The following PPP2R2B variants were observed in gnomAD, a reference collection of about 807,000 sequenced individuals.
PPP2R2B encodes the protein protein phosphatase 2 regulatory subunit Bbeta.
Under a neutral mutation model 46.0 loss-of-function variants are expected in PPP2R2B, and 5 were observed. That is an observed-to-expected ratio of 0.11 (90% CI 0.06 to 0.23). PPP2R2B has a LOEUF of 0.23. PPP2R2B is among the 10% of genes least tolerant of loss of function. The pLI is 1.00. For synonymous variants in PPP2R2B, 215 were observed against 206.7 expected (o/e 1.04, Z -0.34); for missense variants, 367 against 575.0 (o/e 0.64, Z 3.70).
intron 2 of PPP2R2B, among the ~76,000 whole-genome samples, chr5:147,077,288 ACACACACACACACACACACACACC>A (rs1454506946): frequency 6.8e-6 from 1 of 146,838 alleles, no homozygotes; most frequent in African/African-American, 2.6e-5. Context: ...ACACACACAC[ACACACACACACACACACACACACC>A]CACACCCACA....
At chr5:146,918,024 C>G (rs1006442554) in intron 1 of PPP2R2B, 1 of 152,204 alleles carries the variant, frequency 6.6e-6, no homozygotes, top group Non-Finnish European at 1.5e-5. Flanking sequence ...CCCTCACACT[C>G]CCTGCAGTCC....
intron 1 of PPP2R2B, among the ~76,000 whole-genome samples, chr5:146,932,380 C>G (rs930320290): frequency 2.0e-5 from 3 of 152,076 alleles, no homozygotes; most frequent in African/African-American, 4.8e-5. Flanking sequence ...TGGGAGGGTC[C>G]CAGTGGGAGG....
intron 1 of PPP2R2B, among the ~76,000 whole-genome samples, chr5:146,906,095 A>G (rs1466363739): frequency 6.6e-6 from 1 of 152,124 alleles, no homozygotes; most frequent in Non-Finnish European, 1.5e-5. Flanking sequence ...AAAATTAAGT[A>G]TTTCTAGTAA....
chr5:146,735,517 G>A (rs890862406), intron 2 of PPP2R2B, among the ~76,000 whole-genome samples: 1 of 152,176 alleles, frequency 6.6e-6, no homozygotes, highest in South Asian at 2.1e-4. Context: ...TGCAAGGTTC[G>A]ATTAGCTGCA....
At chr5:146,642,393 T>C (rs1410508791) in intron 6 of PPP2R2B, among the ~76,000 whole-genome samples, 2 of 152,168 alleles carry the variant, frequency 1.3e-5, no homozygotes, top group African/African-American at 4.8e-5. Context: ...CATTCAAACA[T>C]CATTTCCTAA....
intron 1 of PPP2R2B, among the ~76,000 whole-genome samples, chr5:146,929,814 C>G (rs753284185): frequency 6.6e-6 from 1 of 152,120 alleles, no homozygotes; most frequent in Non-Finnish European, 1.5e-5. Context: ...TTTGATATCT[C>G]TAAGCCTCTG....
intron 1 of PPP2R2B, among the ~76,000 whole-genome samples, chr5:146,894,284 C>T (rs753809639): frequency 1.3e-5 from 2 of 152,112 alleles, no homozygotes; most frequent in Non-Finnish European, 1.5e-5. Context: ...AATCCAAGGC[C>T]CTTAATACAA....
At chr5:146,803,759 T>C (rs1005158941) in intron 2 of PPP2R2B, among the ~76,000 whole-genome samples, 3 of 152,210 alleles carry the variant, frequency 2.0e-5, no homozygotes, top group Non-Finnish European at 4.4e-5. Flanking sequence ...ATAAACTATG[T>C]GGTTTTTGGC....
chr5:146,863,869 CTG>C (rs1761154566), intron 2 of PPP2R2B, among the ~76,000 whole-genome samples: 2 of 152,188 alleles, frequency 1.3e-5, no homozygotes, highest in Non-Finnish European at 2.9e-5. Flanking sequence ...CGACTCCCAA[CTG>C]TAACCCCCAA....
chr5:146,644,234 C>CAAAAAAAAAAAAAA (rs58634387), intron 6 of PPP2R2B, among the ~76,000 whole-genome samples: 3 of 60,666 alleles, frequency 4.9e-5, no homozygotes, highest in African/African-American at 1.9e-4. Context: ...AGGAAAGTTT[C>CAAAAAAAAAAAAAA]AAAAAAAAAA....
In PPP2R2B at chr5:146,807,195, C is replaced by T. The variant is rs145220464; in HGVS notation, c.70+70807G>A. ...TAAGAATCACTGGTCTTCAAGATCT[C>T]TTCCAGATTTTTCATTCTATAATTA... is the stretch of plus-strand genomic sequence containing the variant. On this transcript the variant is annotated intron_variant, in intron 2 of 9. Transcript: ENST00000394411. 9.5e-4 allele frequency among the ~76,000 whole-genome samples: 145 copies of T among 152,288 alleles called. No individual in the cohort carries two copies. In the East Asian group the frequency reaches 0.021, roughly 22 times the overall value.
chr5:146,735,987 C>T (rs191015371), intron 2 of PPP2R2B, among the ~76,000 whole-genome samples: 1 of 152,304 alleles, frequency 6.6e-6, no homozygotes, highest in East Asian at 1.9e-4. Context: ...ACCCAAATCT[C>T]ATCTTGAATT....
chr5:146,597,453 C>T (rs1008964208), intron 8 of PPP2R2B, among the ~76,000 whole-genome samples: 1 of 152,184 alleles, frequency 6.6e-6, no homozygotes, highest in Non-Finnish European at 1.5e-5. Flanking sequence ...TTCGATTCAG[C>T]AGTACATCGT....
intron 1 of PPP2R2B, among the ~76,000 whole-genome samples, chr5:146,937,470 GTTAC>G (rs1365823088): frequency 2.0e-5 from 3 of 152,124 alleles, no homozygotes; most frequent in South Asian, 2.1e-4. Flanking sequence ...TTATTAAGGG[GTTAC>G]TTAAATACTA....
intron 7 of PPP2R2B, among the ~76,000 whole-genome samples, chr5:146,625,081 G>A (rs977991463): frequency 4.6e-5 from 7 of 152,206 alleles, no homozygotes; most frequent in African/African-American, 1.7e-4. Context: ...ATAAACATTC[G>A]TTGAATAAAT....
At chr5:146,637,406 C>G (rs1193509977) in intron 7 of PPP2R2B, among the ~76,000 whole-genome samples, 1 of 152,192 alleles carries the variant, frequency 6.6e-6, no homozygotes, top group Non-Finnish European at 1.5e-5. Context: ...ATGTATAGGA[C>G]AGCCCCTTCC....
intron 1 of PPP2R2B, among the ~76,000 whole-genome samples, chr5:146,973,090 C>T (rs1752737964): frequency 6.6e-6 from 1 of 151,798 alleles, no homozygotes; most frequent in East Asian, 1.9e-4. Flanking sequence ...CTGTGGTATC[C>T]TTTTTCTGAG....
chr5:146,748,872 T>C (rs1416557209), intron 2 of PPP2R2B, among the ~76,000 whole-genome samples: 2 of 152,354 alleles, frequency 1.3e-5, no homozygotes, highest in South Asian at 4.1e-4. Flanking sequence ...GGTTTTTGTG[T>C]GCACATACAT....
chr5:146,877,618 G>C (rs1582338092), intron 2 of PPP2R2B, among the ~76,000 whole-genome samples: 1 of 151,946 alleles, frequency 6.6e-6, no homozygotes, highest in South Asian at 2.1e-4. Context: ...ACATCGTTTC[G>C]CTCAGGGAGG....
Sources: gnomAD v4.1 joint callset for allele counts (sites outside exome capture counted in the v4.1 genomes callset) on GRCh38, gnomAD v4.1.1 for gene constraint, MANE v1.5 for transcripts, NCBI Gene and HGNC (gene_info 2026-07-23, HGNC 2026-07-21) for gene names.